The following CDYL variants were observed in gnomAD, a reference collection of about 807,000 sequenced individuals.
The protein encoded by CDYL is chromodomain Y-like protein.
A neutral mutation model predicts 47.3 loss-of-function variants in CDYL; 8 were observed. The ratio of observed to expected loss-of-function variants is 0.17; its 90% CI spans 0.10 to 0.31. The LOEUF (loss-of-function observed/expected upper bound fraction) is 0.31. CDYL is among the 10% of genes least tolerant of loss of function. The pLI is 1.00. For synonymous variants in CDYL, 266 were observed against 265.0 expected, an observed-to-expected ratio of 1.00 and a Z score of -0.04; for missense variants, 471 against 701.4, an observed-to-expected ratio of 0.67 and a Z score of 3.71.
chr6:4,907,985 CT>C lies in CDYL; in HGVS notation c.691+15608del, dbSNP rs142416173. 8.3e-4 allele frequency among the ~76,000 whole-genome samples: 126 copies of C among 152,314 alleles called. 1 individual carries two copies. The highest frequency in any genetic ancestry group is 3.0e-3 in the African/African-American group (123 of 41,564). ...GAGCTCCGTGTTCTCTACCACCCCA[CT>C]TGGTGCCCATAAGGAAAGAGACACA... is the stretch of plus-strand genomic sequence containing the variant. On this transcript the variant is annotated intron_variant, in intron 2 of 6. Transcript: ENST00000397588.
intron 1 of CDYL, among the ~76,000 whole-genome samples, chr6:4,857,566 G>A (rs536709590): frequency 4.6e-5 from 7 of 152,310 alleles, no homozygotes; most frequent in Non-Finnish European, 7.3e-5. Flanking sequence ...AGTCCCTTCA[G>A]AACAGGTAGA....
chr6:4,713,345 G>A (rs1214810179), intron 1 of CDYL, among the ~76,000 whole-genome samples: 1 of 151,996 alleles, frequency 6.6e-6, no homozygotes, highest in African/African-American at 2.4e-5. Context: ...GGAGCCATAA[G>A]CTAGAAAGGT....
chr6:4,936,599 A>C (rs569871828), intron 3 of CDYL, among the ~76,000 whole-genome samples: 2 of 152,344 alleles, frequency 1.3e-5, no homozygotes, highest in East Asian at 3.9e-4. Flanking sequence ...GATCATTTAA[A>C]ATGATTTTAT....
At chr6:4,715,696 C>T in intron 1 of CDYL, 1 of 1,554,764 alleles carries the variant, frequency 6.4e-7, no homozygotes, top group Non-Finnish European at 8.7e-7. Context: ...TGGGTTTTTT[C>T]CCATGTACTG....
chr6:4,876,813 G>T (rs566183287), intron 1 of CDYL, among the ~76,000 whole-genome samples: 5 of 152,146 alleles, frequency 3.3e-5, no homozygotes, highest in African/African-American at 1.2e-4. Context: ...TGGGAATGAC[G>T]TAAATTTTGC....
intron 1 of CDYL, among the ~76,000 whole-genome samples, chr6:4,885,336 GA>G (rs1332992780): frequency 6.6e-6 from 1 of 152,194 alleles, no homozygotes; most frequent in Non-Finnish European, 1.5e-5. Context: ...GCAGGGTGAT[GA>G]AATTTTATGT....
chr6:4,864,988 A>T lies in CDYL; in HGVS notation c.25-26725A>T, dbSNP rs180973349. On this transcript the variant is annotated intron_variant, in intron 1 of 6. Coordinates refer to ENST00000397588, the MANE Select transcript of CDYL (RefSeq NM_004824.4). ...TTTCTCTTCAAAGAATCAGTATGTC[A>T]GTGTGTTCAGCTCTCTTATTCTTTG... 5.2e-4 allele frequency among the ~76,000 whole-genome samples: 79 copies of T among 152,338 alleles called. 1 individual carries two copies. The South Asian group carries it at 0.012, about 24-fold the overall frequency.
intron 1 of CDYL, among the ~76,000 whole-genome samples, chr6:4,710,482 G>C (rs1025359640): frequency 4.6e-5 from 7 of 150,618 alleles, no homozygotes; most frequent in Non-Finnish European, 1.5e-5. Flanking sequence ...ATTTTCTCAT[G>C]TGCCACCAGG....
intron 1 of CDYL, among the ~76,000 whole-genome samples, chr6:4,870,788 C>T (rs1445069326): frequency 1.3e-5 from 2 of 152,092 alleles, no homozygotes; most frequent in African/African-American, 4.8e-5. Context: ...ACTGTTGAGT[C>T]CATCATTGGA....
At chr6:4,814,730 C>T (rs1759622716) in intron 1 of CDYL, among the ~76,000 whole-genome samples, 1 of 152,150 alleles carries the variant, frequency 6.6e-6, no homozygotes, top group Non-Finnish European at 1.5e-5. Context: ...ACCATGTTGG[C>T]CAGGCTGCTC....
intron 1 of CDYL, among the ~76,000 whole-genome samples, chr6:4,869,005 C>T (rs765515819): frequency 2.6e-5 from 4 of 151,950 alleles, no homozygotes; most frequent in Non-Finnish European, 5.9e-5. Context: ...TATCCTTTTA[C>T]TTTTTACCAA....
At position 4,776,737 on chromosome 6, in the gene CDYL, CGCCCGCCCCGACCCT is replaced by C; in HGVS notation, c.-42_-28del. The C allele has an allele frequency of 7.9e-7, 1 of 1,263,942 alleles. No individual in the cohort carries two copies. The highest frequency in any genetic ancestry group is 1.0e-6 in the Non-Finnish European group (1 of 980,642). The allele number at this position is 1,263,942 out of a possible 1,614,324, so 78.3% of individuals were successfully genotyped here. A position where few individuals can be genotyped will look rare whatever the true frequency, so the allele number is the denominator to read the frequency against. On this transcript the variant is annotated 5_prime_UTR_variant, in exon 1 of 7. Coordinates refer to ENST00000397588, the MANE Select transcript of CDYL (RefSeq NM_004824.4). ...CAAAGTGTCGGCCGCCCGGCGCCGG[CGCCCGCCCCGACCCT>C]GCCCCTCCCGCCCGCAACTCCGCCG...
chr6:4,844,311 C>T (rs1218237630), intron 1 of CDYL, among the ~76,000 whole-genome samples: 1 of 152,186 alleles, frequency 6.6e-6, no homozygotes, highest in Non-Finnish European at 1.5e-5. Context: ...AGAGCATCAG[C>T]TGTGGTAGTA....
intron 1 of CDYL, among the ~76,000 whole-genome samples, chr6:4,830,263 A>G (rs767028056): frequency 6.6e-6 from 1 of 152,240 alleles, no homozygotes; most frequent in Non-Finnish European, 1.5e-5. Flanking sequence ...TATAATAAAC[A>G]GTGTTAATAA....
chr6:4,922,329 C>G (rs1561710152), intron 2 of CDYL, among the ~76,000 whole-genome samples: 2 of 152,190 alleles, frequency 1.3e-5, no homozygotes, highest in African/African-American at 2.4e-5. Context: ...GATTTCCCCT[C>G]TTGCTTTTGG....
chr6:4,831,886 T>C (rs1289865190), intron 1 of CDYL, among the ~76,000 whole-genome samples: 1 of 152,084 alleles, frequency 6.6e-6, no homozygotes, highest in Non-Finnish European at 1.5e-5. Context: ...TGTCTGTTAT[T>C]GGTGTATAAG....
intron 1 of CDYL, among the ~76,000 whole-genome samples, chr6:4,794,830 TA>T (rs957451164): frequency 6.6e-6 from 1 of 152,226 alleles, no homozygotes; most frequent in African/African-American, 2.4e-5. Context: ...TTAATGCCAG[TA>T]CATAGAAAGG....
chr6:4,907,082 G>A (rs1301805080), intron 2 of CDYL, among the ~76,000 whole-genome samples: 5 of 152,292 alleles, frequency 3.3e-5, no homozygotes, highest in African/African-American at 1.2e-4. Context: ...GCCTGGGGTG[G>A]CACCTCGCCA....
At chr6:4,808,447 C>T (rs969665801) in intron 1 of CDYL, among the ~76,000 whole-genome samples, 1 of 152,218 alleles carries the variant, frequency 6.6e-6, no homozygotes, top group Non-Finnish European at 1.5e-5. Context: ...AATACATTTA[C>T]TCATTTGCTC....
Sources: gnomAD v4.1 joint callset for allele counts (sites outside exome capture counted in the v4.1 genomes callset) on GRCh38, gnomAD v4.1.1 for gene constraint, MANE v1.5 for transcripts, NCBI Gene and HGNC (gene_info 2026-07-23, HGNC 2026-07-21) for gene names.